The following CA10 variants were observed in gnomAD, a reference collection of about 807,000 sequenced individuals.
CA10 encodes carbonic anhydrase 10 (inactive).
CA10 carries 14 observed loss-of-function variants against 44.2 expected under a neutral mutation model. The observed-to-expected ratio is 0.32, with a 90% CI of 0.21 to 0.50. CA10 has a LOEUF of 0.50. Ranked by LOEUF, CA10 falls within the 20% of genes least tolerant of loss-of-function variation. The probability of loss-of-function intolerance (pLI) is 0.99; values close to 1 mark genes in which losing one functional copy is unlikely to be tolerated. For synonymous variants in CA10, 159 were observed against 141.6 expected (o/e 1.12, Z -0.87); for missense variants, 350 against 409.7 (o/e 0.85, Z 1.26).
chr17:51,643,763 C>T (rs1913200816), intron 6 of CA10, among the ~76,000 whole-genome samples: 1 of 152,188 alleles, frequency 6.6e-6, no homozygotes, highest in Non-Finnish European at 1.5e-5. Flanking sequence ...CTGAGGGAAG[C>T]TGGATTTGAT....
intron 2 of CA10, among the ~76,000 whole-genome samples, chr17:52,029,246 C>G (rs1032757343): frequency 6.6e-6 from 1 of 152,148 alleles, no homozygotes; most frequent in African/African-American, 2.4e-5. Context: ...CCTGGACCCC[C>G]TCTTGCCTGA....
At chr17:51,867,412 G>T (rs148362421) in intron 3 of CA10, among the ~76,000 whole-genome samples, 14 of 152,316 alleles carry the variant, frequency 9.2e-5, no homozygotes, top group African/African-American at 3.4e-4. Flanking sequence ...GGGGAAGACA[G>T]ATCTGAATGC....
chr17:52,104,719 G>A (rs1988620191), intron 1 of CA10, among the ~76,000 whole-genome samples: 1 of 152,162 alleles, frequency 6.6e-6, no homozygotes, highest in Non-Finnish European at 1.5e-5. Flanking sequence ...TGAGGGTACT[G>A]ACTTAAAGAG....
At chr17:51,967,182 A>T (rs1984111385) in intron 2 of CA10, among the ~76,000 whole-genome samples, 1 of 151,820 alleles carries the variant, frequency 6.6e-6, no homozygotes, top group East Asian at 1.9e-4. Flanking sequence ...AAAAAGCCAA[A>T]AAACAATAGA....
At chr17:51,949,982 T>C (rs1274724247) in intron 2 of CA10, among the ~76,000 whole-genome samples, 5 of 152,162 alleles carry the variant, frequency 3.3e-5, no homozygotes, top group African/African-American at 1.2e-4. Flanking sequence ...AAATTACATA[T>C]GGATGCTGTT....
chr17:52,129,045 T>C (rs1989177490), intron 1 of CA10, among the ~76,000 whole-genome samples: 1 of 152,160 alleles, frequency 6.6e-6, no homozygotes, highest in Admixed American at 6.6e-5. Context: ...ACAAGGACTA[T>C]CAGTGTTCTA....
chr17:51,680,163 A>G (rs1218623001), intron 4 of CA10, among the ~76,000 whole-genome samples: 1 of 152,198 alleles, frequency 6.6e-6, no homozygotes, highest in Non-Finnish European at 1.5e-5. Context: ...GGGAAAGATC[A>G]TTTCCAGTTG....
At chr17:52,041,162 A>G (rs1228586586) in intron 2 of CA10, among the ~76,000 whole-genome samples, 2 of 152,064 alleles carry the variant, frequency 1.3e-5, no homozygotes, top group African/African-American at 4.8e-5. Context: ...ATCCAACACT[A>G]GAAAAGGAAT....
chr17:51,849,246 T>TATACATATATGTGTGTATATATAC (rs1978676139), intron 3 of CA10, among the ~76,000 whole-genome samples: 21 of 130,504 alleles, frequency 1.6e-4, no homozygotes, highest in African/African-American at 5.5e-4. Context: ...TATATATATA[T>TATACATATATGTGTGTATATATAC]ATATATATAT....
At chr17:51,703,793 T>C (rs62060815) in intron 4 of CA10, among the ~76,000 whole-genome samples, 3 of 152,198 alleles carry the variant, frequency 2.0e-5, no homozygotes, top group Non-Finnish European at 2.9e-5. Context: ...AAATTCAATT[T>C]GGAAAGTTAG....
At chr17:51,892,460 T>A (rs1980900084) in intron 3 of CA10, among the ~76,000 whole-genome samples, 1 of 152,180 alleles carries the variant, frequency 6.6e-6, no homozygotes, top group South Asian at 2.1e-4. Flanking sequence ...AAGGTAGAGA[T>A]AAGTTCAAGT....
intron 1 of CA10, among the ~76,000 whole-genome samples, chr17:52,105,472 G>A (rs1006358722): frequency 2.0e-5 from 3 of 152,132 alleles, no homozygotes; most frequent in Non-Finnish European, 4.4e-5. Flanking sequence ...AGCCAGGATG[G>A]TCTCAATCTC....
intron 1 of CA10, among the ~76,000 whole-genome samples, chr17:52,076,167 C>T (rs889687288): frequency 1.3e-5 from 2 of 152,140 alleles, no homozygotes; most frequent in Admixed American, 6.5e-5. Flanking sequence ...TCCACACTCC[C>T]CTCTAAGGAC....
Position 52,119,117 on chromosome 17 carries a change from T to C in CA10, c.61+38609A>G, listed in dbSNP as rs145993081. ...AGTCAAGGAACCTTATGTTCAGCTA[T>C]TTATGGCCTTTAATAATTGAATAAA... On this transcript the variant is annotated intron_variant, in intron 1 of 8. Transcript: ENST00000451037. Among the ~76,000 whole-genome samples the C allele has an allele frequency of 4.2e-3, 639 of 151,284 alleles. 4 individuals are homozygous for C. Among genetic ancestry groups the C allele is most frequent in the African/African-American group, 0.014 (597 of 41,374 alleles).
intron 3 of CA10, among the ~76,000 whole-genome samples, chr17:51,822,318 T>C (rs1467775593): frequency 4.6e-5 from 7 of 151,912 alleles, no homozygotes. Context: ...CTCAGGAGGC[T>C]GAGACACGAG....
intron 3 of CA10, among the ~76,000 whole-genome samples, chr17:51,885,128 A>C (rs1980541825): frequency 1.3e-5 from 2 of 152,236 alleles, no homozygotes; most frequent in African/African-American, 4.8e-5. Context: ...TATGACATAC[A>C]ACATATTTTT....
intron 3 of CA10, among the ~76,000 whole-genome samples, chr17:51,784,368 T>C (rs1284912427): frequency 2.6e-5 from 4 of 152,194 alleles, no homozygotes; most frequent in African/African-American, 7.2e-5. Flanking sequence ...TGGAAGGCAG[T>C]TATGCCTGGT....
chr17:51,710,273 G>T (rs1415599339), intron 4 of CA10, among the ~76,000 whole-genome samples: 1 of 152,184 alleles, frequency 6.6e-6, no homozygotes, highest in Non-Finnish European at 1.5e-5. Flanking sequence ...AAGTCAGCTT[G>T]CCAGAAAATC....
At chr17:52,105,159 A>G (rs1254571233) in intron 1 of CA10, among the ~76,000 whole-genome samples, 1 of 113,150 alleles carries the variant, frequency 8.8e-6, no homozygotes, top group East Asian at 5.4e-4. Context: ...TCAAGCTCCC[A>G]GATGATTCCT....
Sources: allele counts gnomAD v4.1 joint callset (sites outside exome capture counted in the v4.1 genomes callset), GRCh38; gene constraint gnomAD v4.1.1; transcripts MANE v1.5; gene names NCBI Gene and HGNC (gene_info 2026-07-23, HGNC 2026-07-21).